SH3RF1: variants seen among roughly 807,000 people sequenced by gnomAD.
The protein encoded by SH3RF1 is E3 ubiquitin-protein ligase SH3RF1.
A neutral mutation model predicts 74.0 loss-of-function variants in SH3RF1; 32 were observed. That is an observed-to-expected ratio of 0.43 (90% CI 0.33 to 0.58). The LOEUF (loss-of-function observed/expected upper bound fraction) is 0.58. Among genes scored for constraint, SH3RF1 ranks in the 20% least tolerant of loss-of-function variants. The probability of loss-of-function intolerance (pLI) is 0.05; values close to 1 mark genes in which losing one functional copy is unlikely to be tolerated. For missense variants in SH3RF1, 954 were observed against 1,130.9 expected, an observed-to-expected ratio of 0.84 and a Z score of 2.24; for synonymous variants, 396 against 439.6, an observed-to-expected ratio of 0.90 and a Z score of 1.24.
intron 7 of SH3RF1, among the ~76,000 whole-genome samples, chr4:169,121,497 G>GA (rs982382439): frequency 1.2e-4 from 19 of 152,142 alleles, no homozygotes; most frequent in African/African-American, 4.6e-4. Context: ...GACTGAATTT[G>GA]AAAAAATCAA....
intron 11 of SH3RF1, among the ~76,000 whole-genome samples, chr4:169,106,100 A>G (rs1733129623): frequency 6.6e-6 from 1 of 151,084 alleles, no homozygotes; most frequent in Non-Finnish European, 1.5e-5. Flanking sequence ...GTGTGTGTAT[A>G]TATATTTATT....
chr4:169,155,126 TA>T (rs1216649775), intron 4 of SH3RF1, among the ~76,000 whole-genome samples: 1 of 152,172 alleles, frequency 6.6e-6, no homozygotes, highest in African/African-American at 2.4e-5. Flanking sequence ...AATAAACAAA[TA>T]AACTTTTCTC....
intron 4 of SH3RF1, among the ~76,000 whole-genome samples, chr4:169,148,503 T>C (rs539501417): frequency 1.3e-5 from 2 of 152,206 alleles, no homozygotes; most frequent in Non-Finnish European, 2.9e-5. Context: ...TTATACACGA[T>C]GAGACTTAGG....
rs571166763 is a variant in SH3RF1 at position 169,121,059 on chromosome 4, C to A, written c.1347-70G>T. 9 of 1,305,566 alleles carry A rather than the reference C, an allele frequency of 6.9e-6. No homozygotes were observed. The Admixed American group carries it at 1.4e-4, about 20-fold the overall frequency. The allele number at this position is 1,305,566 out of a possible 1,614,324, so 80.9% of individuals were successfully genotyped here. On this transcript the variant is annotated intron_variant, in intron 7 of 11. Coordinates refer to ENST00000284637, the MANE Select transcript of SH3RF1 (RefSeq NM_020870.4). Reference sequence around the variant, plus strand: ...AATCCCAAGATGCTCAAAATTCTTCCTTGGTACAAAGTGTTGAACATTTTG... The same window carrying A: ...AATCCCAAGATGCTCAAAATTCTTCATTGGTACAAAGTGTTGAACATTTTG...
At chr4:169,156,009 C>T (rs1053375063) in intron 3 of SH3RF1, among the ~76,000 whole-genome samples, 3 of 152,132 alleles carry the variant, frequency 2.0e-5, no homozygotes, top group South Asian at 2.1e-4. Context: ...TTTATCAATT[C>T]GGCAGATATA....
intron 2 of SH3RF1, among the ~76,000 whole-genome samples, chr4:169,231,980 T>A (rs1321893875): frequency 6.6e-5 from 10 of 152,204 alleles, no homozygotes; most frequent in Non-Finnish European, 8.8e-5. Context: ...GACATAGTAT[T>A]AGCAAAAAGG....
intron 2 of SH3RF1, among the ~76,000 whole-genome samples, chr4:169,233,291 C>T (rs1386063819): frequency 7.1e-6 from 1 of 139,866 alleles, no homozygotes; most frequent in East Asian, 2.0e-4. Context: ...TTACTCAGAA[C>T]AGTTGGTAAA....
At chr4:169,212,057 C>CTTTTTTTTTTTTTTTTTTTTT (rs34108534) in intron 2 of SH3RF1, among the ~76,000 whole-genome samples, 3 of 48,264 alleles carry the variant, frequency 6.2e-5, no homozygotes, top group Non-Finnish European at 1.1e-4. Flanking sequence ...CTTTTCTTTT[C>CTTTTTTTTTTTTTTTTTTTTT]TTTTTTTTTT....
At chr4:169,222,015 C>T (rs1206722229) in intron 2 of SH3RF1, among the ~76,000 whole-genome samples, 1 of 152,204 alleles carries the variant, frequency 6.6e-6, no homozygotes, top group Non-Finnish European at 1.5e-5. Context: ...CCTTGAACAT[C>T]TATACATTAT....
chr4:169,252,281 CAG>C (rs1408546985), intron 2 of SH3RF1, among the ~76,000 whole-genome samples: 4 of 152,224 alleles, frequency 2.6e-5, no homozygotes, highest in Admixed American at 2.0e-4. Context: ...AAACAGGACA[CAG>C]AGTTGCTAAA....
At chr4:169,219,071 C>A (rs954867069) in intron 2 of SH3RF1, among the ~76,000 whole-genome samples, 2 of 152,144 alleles carry the variant, frequency 1.3e-5, no homozygotes, top group African/African-American at 4.8e-5. Context: ...TCTTACATAA[C>A]AGAGAATTCA....
At chr4:169,145,589 A>G (rs1733862594) in intron 4 of SH3RF1, among the ~76,000 whole-genome samples, 1 of 147,830 alleles carries the variant, frequency 6.8e-6, no homozygotes. Flanking sequence ...TATATCATAT[A>G]TAATAATGGT....
chr4:169,251,054 C>T (rs1391678202), intron 2 of SH3RF1, among the ~76,000 whole-genome samples: 4 of 152,156 alleles, frequency 2.6e-5, no homozygotes, highest in African/African-American at 9.7e-5. Context: ...AAGGGCAGGA[C>T]TCAGTTATGC....
intron 2 of SH3RF1, among the ~76,000 whole-genome samples, chr4:169,242,034 T>C (rs1404125302): frequency 6.6e-6 from 1 of 152,158 alleles, no homozygotes; most frequent in East Asian, 1.9e-4. Flanking sequence ...CAATGAAGAT[T>C]ATATGTCAAA....
chr4:169,121,042 G>A, intron 7 of SH3RF1, 53 bp from the exon 8 acceptor site: 1 of 1,461,048 alleles, frequency 6.8e-7, no homozygotes, highest in Non-Finnish European at 9.6e-7. Context: ...CAAATCCCAA[G>A]ATGCTCAAAA....
chr4:169,190,228 A>G (rs1579128065), intron 2 of SH3RF1, among the ~76,000 whole-genome samples: 4 of 152,338 alleles, frequency 2.6e-5, no homozygotes, highest in East Asian at 1.9e-4. Flanking sequence ...AGATCAGAGC[A>G]GAAGCAAATG....
At chr4:169,140,095 G>T (rs1733760275) in intron 4 of SH3RF1, among the ~76,000 whole-genome samples, 1 of 152,118 alleles carries the variant, frequency 6.6e-6, no homozygotes, top group Admixed American at 6.5e-5. Flanking sequence ...GCACATATTA[G>T]TATTAAAAAA....
chr4:169,187,652 G>C (rs1417296934), intron 2 of SH3RF1, among the ~76,000 whole-genome samples: 1 of 151,826 alleles, frequency 6.6e-6, no homozygotes, highest in Non-Finnish European at 1.5e-5. Context: ...TCTGATTAAA[G>C]ACAAATTATC....
intron 2 of SH3RF1, among the ~76,000 whole-genome samples, chr4:169,178,175 A>T (rs941527092): frequency 6.6e-6 from 1 of 151,642 alleles, no homozygotes; most frequent in Non-Finnish European, 1.5e-5. Context: ...CAGGAGGTGG[A>T]GTTTGCAGTG....
Sources: allele counts gnomAD v4.1 joint callset (sites outside exome capture counted in the v4.1 genomes callset), GRCh38; gene constraint gnomAD v4.1.1; transcripts MANE v1.5; gene names NCBI Gene and HGNC (gene_info 2026-07-23, HGNC 2026-07-21).